Variants in NAA16 observed in about 807,000 individuals in gnomAD.
NAA16 encodes N-alpha-acetyltransferase 16, NatA auxiliary subunit.
In NAA16, 97 loss-of-function variants were observed where a neutral mutation model predicts 110.3. The ratio of observed to expected loss-of-function variants is 0.88; its 90% CI spans 0.75 to 1.04. The LOEUF (loss-of-function observed/expected upper bound fraction) is 1.04, where lower values mean the gene tolerates loss of function less well. Among genes scored for constraint, NAA16 ranks in the 50% least tolerant of loss-of-function variants. NAA16 has a pLI of 0.00. For missense variants in NAA16, 1,017 were observed against 1,005.1 expected (o/e 1.01, Z -0.16); for synonymous variants, 372 against 330.6 (o/e 1.13, Z -1.36).
intron 9 of NAA16, among the ~76,000 whole-genome samples, chr13:41,340,154 T>A (rs1431055732): frequency 2.0e-5 from 3 of 152,182 alleles, no homozygotes; most frequent in African/African-American, 7.2e-5. Flanking sequence ...GTCCTGTCCA[T>A]AACAGATAAC....
intron 1 of NAA16, 80 bp downstream of exon 1, chr13:41,311,662 G>A (rs2041572562): frequency 2.2e-6 from 3 of 1,377,388 alleles, no homozygotes; most frequent in Non-Finnish European, 3.0e-6. Flanking sequence ...GGCGGCGGCC[G>A]GCGCGGGCCA....
chr13:41,375,201 G>A (rs1566308055), intron 19 of NAA16, among the ~76,000 whole-genome samples: 1 of 152,156 alleles, frequency 6.6e-6, no homozygotes, highest in Non-Finnish European at 1.5e-5. Context: ...CTCTTTTGCA[G>A]TTATTAGAAT....
chr13:41,363,277 A>G (rs1159303990), intron 13 of NAA16, among the ~76,000 whole-genome samples: 9 of 152,186 alleles, frequency 5.9e-5, no homozygotes, highest in Non-Finnish European at 1.2e-4. Context: ...CTTGTTATTA[A>G]GGAAAGATAC....
At chr13:41,313,087 A>G (rs35403022) in intron 1 of NAA16, among the ~76,000 whole-genome samples, 19 of 152,114 alleles carry the variant, frequency 1.2e-4, no homozygotes, top group Non-Finnish European at 2.8e-4. Flanking sequence ...AGATGACAGC[A>G]CTTCTTTTCT....
At chr13:41,372,520 A>G in intron 16 of NAA16, 1 of 985,406 alleles carries the variant, frequency 1.0e-6, no homozygotes, top group Non-Finnish European at 1.2e-6. Flanking sequence ...ACAACCATAC[A>G]AATTGTCTAC....
At chr13:41,336,505 C>A in intron 8 of NAA16, 145 bp from the exon 9 acceptor site, 1 of 549,240 alleles carries the variant, frequency 1.8e-6, no homozygotes. Context: ...TAGTTGATAA[C>A]TTTTACTTAA....
rs539800163 is a variant in NAA16 at position 41,368,426 on chromosome 13, CATAT to C, written c.1754-661_1754-658del. On this transcript the variant is annotated intron_variant, in intron 14 of 19. Transcript: ENST00000379406. ...AAGGACAAAGTGATTTGCCTGGAGTCATATATTGTGTAGGAGGCAGAACTGGGCT... is the reference window on the plus strand; with the variant it reads ...AAGGACAAAGTGATTTGCCTGGAGTCATTGTGTAGGAGGCAGAACTGGGCT... 2.2e-4 allele frequency among the ~76,000 whole-genome samples: 33 copies of C among 152,210 alleles called. No homozygotes were observed. The South Asian group carries it at 6.4e-3, about 30-fold the overall frequency.
At chr13:41,321,843 C>G (rs7981375) in intron 4 of NAA16, among the ~76,000 whole-genome samples, 2,012 of 152,148 alleles carry the variant, frequency 0.013, 40 homozygotes, top group African/African-American at 0.045. Context: ...ATACTTCTTA[C>G]TTTTGCCCTC....
At chr13:41,361,521 TTAAAAAC>T (rs1322512165) in intron 12 of NAA16, among the ~76,000 whole-genome samples, 1 of 152,258 alleles carries the variant, frequency 6.6e-6, no homozygotes, top group Non-Finnish European at 1.5e-5. Context: ...ACTTTGGTGT[TTAAAAAC>T]TAAGATTTAG....
intron 11 of NAA16, 24 bp downstream of exon 11, chr13:41,358,497 G>C: frequency 2.5e-6 from 4 of 1,610,936 alleles, no homozygotes. Flanking sequence ...CCTGTTTTTT[G>C]AGTAGTTGAA....
chr13:41,321,875 A>G (rs1593416532), intron 4 of NAA16, among the ~76,000 whole-genome samples: 1 of 152,062 alleles, frequency 6.6e-6, no homozygotes. Context: ...AAGCCCTCAT[A>G]CCCCATGCCT....
At chr13:41,348,773 A>G (rs1394292375) in intron 9 of NAA16, among the ~76,000 whole-genome samples, 1 of 152,136 alleles carries the variant, frequency 6.6e-6, no homozygotes, top group African/African-American at 2.4e-5. Context: ...GTGAAGTCAT[A>G]TGGGCCTGGA....
intron 8 of NAA16, among the ~76,000 whole-genome samples, chr13:41,334,171 TC>T (rs1437116082): frequency 6.6e-6 from 1 of 152,186 alleles, no homozygotes; most frequent in African/African-American, 2.4e-5. Flanking sequence ...AGTAAGATCT[TC>T]CTCAAGAAAC....
At chr13:41,313,027 C>A (rs1426012896) in intron 1 of NAA16, among the ~76,000 whole-genome samples, 1 of 151,484 alleles carries the variant, frequency 6.6e-6, no homozygotes, top group Non-Finnish European at 1.5e-5. Flanking sequence ...ATGATAATAT[C>A]ATTTATAAAT....
chr13:41,352,708 G>A (rs2042869777), intron 9 of NAA16, among the ~76,000 whole-genome samples: 1 of 152,094 alleles, frequency 6.6e-6, no homozygotes, highest in Admixed American at 6.6e-5. Flanking sequence ...TATGCCTAAT[G>A]AACCGCAACG....
intron 9 of NAA16, among the ~76,000 whole-genome samples, chr13:41,337,688 A>G (rs1325065434): frequency 6.6e-6 from 1 of 152,096 alleles, no homozygotes; most frequent in Non-Finnish European, 1.5e-5. Flanking sequence ...TGTCTTTTCT[A>G]TAGTCAGTTT....
At chr13:41,314,602 C>G (rs2041759041) in intron 1 of NAA16, among the ~76,000 whole-genome samples, 2 of 152,162 alleles carry the variant, frequency 1.3e-5, no homozygotes, top group African/African-American at 4.8e-5. Flanking sequence ...TAAAGATGGT[C>G]TCATCCATTG....
At chr13:41,341,450 G>T (rs1318743880) in intron 9 of NAA16, among the ~76,000 whole-genome samples, 3 of 152,186 alleles carry the variant, frequency 2.0e-5, no homozygotes, top group African/African-American at 7.2e-5. Context: ...AGCCGTGGTG[G>T]CTCATGCCTG....
At chr13:41,336,842 TAATC>T (rs2042394604) in intron 9 of NAA16, 86 bp downstream of exon 9, 1 of 716,988 alleles carries the variant, frequency 1.4e-6, no homozygotes, top group Non-Finnish European at 2.2e-6. Flanking sequence ...TGCTATTACT[TAATC>T]ATTTTCTTTG....
Sources: allele counts gnomAD v4.1 joint callset (sites outside exome capture counted in the v4.1 genomes callset), GRCh38; gene constraint gnomAD v4.1.1; transcripts MANE v1.5; gene names NCBI Gene and HGNC (gene_info 2026-07-23, HGNC 2026-07-21).